Variants in ZNF540 observed in about 807,000 individuals in gnomAD.
ZNF540 encodes zinc finger protein 540.
In ZNF540, 3 loss-of-function variants were observed where a neutral mutation model predicts 11.8. That is an observed-to-expected ratio of 0.25 (90% CI 0.12 to 0.65). The LOEUF (loss-of-function observed/expected upper bound fraction) is 0.65, where lower values mean the gene tolerates loss of function less well. Ranked by LOEUF, ZNF540 falls within the 30% of genes least tolerant of loss-of-function variation. ZNF540 has a pLI of 0.83. For missense variants in ZNF540, 709 were observed against 793.1 expected, an observed-to-expected ratio of 0.89 and a Z score of 1.27; for synonymous variants, 247 against 259.0, an observed-to-expected ratio of 0.95 and a Z score of 0.45.
At chr19:37,558,859 CAGAG>C (rs994136002) in intron 1 of ZNF540, among the ~76,000 whole-genome samples, 3 of 151,402 alleles carry the variant, frequency 2.0e-5, no homozygotes, top group Non-Finnish European at 2.9e-5. Context: ...GAGAGAGAGA[CAGAG>C]AGAGAGTGTT....
chr19:37,586,927 T>C (rs997373218), intron 1 of ZNF540: 2 of 537,540 alleles, frequency 3.7e-6, no homozygotes, highest in Admixed American at 6.9e-5. Context: ...AATGTCCATG[T>C]TGAACAGGAC....
At chr19:37,565,034 T>A (rs763076083) in intron 1 of ZNF540, 2 of 1,613,850 alleles carry the variant, frequency 1.2e-6, no homozygotes, top group Non-Finnish European at 1.7e-6. Flanking sequence ...AATTTTCTCA[T>A]GTTGAGTAAG....
chr19:37,614,155 T>C lies in ZNF540; in HGVS notation c.*892T>C, dbSNP rs2044153764. 1 of 302,978 alleles carries C rather than the reference T, an allele frequency of 3.3e-6. No homozygotes were observed. Among genetic ancestry groups the C allele is most frequent in the Non-Finnish European group, 6.0e-6 (1 of 167,220 alleles). The allele number at this position is 302,978 out of a possible 1,614,324, so 18.8% of individuals were successfully genotyped here. A position where few individuals can be genotyped will look rare whatever the true frequency, so the allele number is the denominator to read the frequency against. ...AGATAACTAAGGCACTCCATTAGAATATAAATAAAATGTAAAGATCTAAAT... is the reference window on the plus strand; with the variant it reads ...AGATAACTAAGGCACTCCATTAGAACATAAATAAAATGTAAAGATCTAAAT... On this transcript the variant is annotated 3_prime_UTR_variant, in exon 5 of 5. Coordinates refer to ENST00000316433, the MANE Select transcript of ZNF540 (RefSeq NM_001172225.3).
chr19:37,589,278 A>G (rs2043794845), intron 1 of ZNF540, among the ~76,000 whole-genome samples: 1 of 152,008 alleles, frequency 6.6e-6, no homozygotes, highest in Admixed American at 6.6e-5. Flanking sequence ...AGAGGGGAAA[A>G]TTCTGTATCT....
intron 1 of ZNF540, chr19:37,586,573 G>C (rs2306201): frequency 1.4e-6 from 2 of 1,480,522 alleles, no homozygotes; most frequent in Non-Finnish European, 1.9e-6. Flanking sequence ...TTCCCTTAAG[G>C]AACCAAACAA....
intron 4 of ZNF540, among the ~76,000 whole-genome samples, chr19:37,608,005 A>G (rs996046748): frequency 1.3e-5 from 2 of 152,176 alleles, no homozygotes; most frequent in African/African-American, 4.8e-5. Context: ...GGCCATTCTA[A>G]CAGGTGTGAA....
Position 37,613,275 on chromosome 19 carries a change from G to A in ZNF540, c.*12G>A. The A allele has an allele frequency of 6.9e-7, 1 of 1,456,838 alleles. No homozygotes were observed. Among genetic ancestry groups the A allele is most frequent in the Non-Finnish European group, 9.1e-7 (1 of 1,098,360 alleles). The allele number at this position is 1,456,838 out of a possible 1,614,324, so 90.2% of individuals were successfully genotyped here. A position where few individuals can be genotyped will look rare whatever the true frequency, so the allele number is the denominator to read the frequency against. On this transcript the variant is annotated 3_prime_UTR_variant, in exon 5 of 5. Transcript: ENST00000316433. ...ATAATGTAATTTAATATAAGAAAAG[G>A]TTTCCATGTCATGCTCTATTTATAG...
chr19:37,552,420 T>G (rs184313846), intron 1 of ZNF540, among the ~76,000 whole-genome samples: 10 of 152,354 alleles, frequency 6.6e-5, no homozygotes, highest in African/African-American at 2.4e-4. Context: ...TATATCTTTA[T>G]AGATTTTCTA....
intron 1 of ZNF540, chr19:37,556,262 G>T: frequency 1.6e-6 from 1 of 617,874 alleles, no homozygotes; most frequent in Non-Finnish European, 2.9e-6. Context: ...TGAAAGAGGT[G>T]AGGAGAAAGG....
chr19:37,604,641 A>C (rs1456735332), intron 4 of ZNF540, among the ~76,000 whole-genome samples: 1 of 152,088 alleles, frequency 6.6e-6, no homozygotes, highest in East Asian at 1.9e-4. Context: ...AGCTTTATTG[A>C]GATATGATTT....
In ZNF540 at chr19:37,612,855, T is replaced by A. The variant is rs2044143593; in HGVS notation, c.1575T>A (p.Cys525Ter). Residue 525 changes from cysteine to a stop codon, truncating the protein, a stop_gained, in exon 5 of 5, where the codon TGT becomes TGA. Transcript: ENST00000316433. LOFTEE classifies it low-confidence loss of function (END_TRUNC). ...RIHTGEKPYK[C>*]KECGKAFIRR... ...ACACTGGTGAAAAGCCCTATAAATG[T>A]AAAGAATGTGGAAAGGCCTTTATTC... is the stretch of plus-strand genomic sequence containing the variant. 1.2e-6 allele frequency: 2 copies of A among 1,614,082 alleles called. No homozygotes were observed. The highest frequency in any genetic ancestry group is 8.5e-7 in the Non-Finnish European group (1 of 1,180,002).
chr19:37,564,684 C>T, intron 1 of ZNF540: 1 of 1,613,376 alleles, frequency 6.2e-7, no homozygotes, highest in South Asian at 1.1e-5. Context: ...GGTTTCTCAC[C>T]AGTATGGATC....
At chr19:37,600,756 A>G (rs1568366490) in intron 3 of ZNF540, among the ~76,000 whole-genome samples, 1 of 152,140 alleles carries the variant, frequency 6.6e-6, no homozygotes, top group Admixed American at 6.5e-5. Flanking sequence ...CAATAGAGCC[A>G]GTCTGTATGA....
intron 1 of ZNF540, among the ~76,000 whole-genome samples, chr19:37,587,671 C>A (rs1299953608): frequency 2.0e-5 from 3 of 151,592 alleles, no homozygotes; most frequent in Non-Finnish European, 4.4e-5. Flanking sequence ...TTGTGTGATA[C>A]CAAGAAAACC....
chr19:37,575,199 A>G (rs1308382623), intron 1 of ZNF540, among the ~76,000 whole-genome samples: 1 of 152,186 alleles, frequency 6.6e-6, no homozygotes. Context: ...AGAAAATAAA[A>G]TCTAACTACT....
intron 2 of ZNF540, 74 bp from the exon 3 acceptor site, chr19:37,599,552 T>C: frequency 1.3e-6 from 2 of 1,591,604 alleles, no homozygotes; most frequent in Non-Finnish European, 1.7e-6. Flanking sequence ...CAATGAAACC[T>C]TTTATCTCCT....
At chr19:37,597,652 C>G (rs1005955873) in intron 1 of ZNF540, 2 of 152,276 alleles carry the variant, frequency 1.3e-5, no homozygotes, top group African/African-American at 4.8e-5. Context: ...GTCTTGAACT[C>G]CCGACCTCAG....
intron 1 of ZNF540, chr19:37,565,555 GC>G (rs1568340780): frequency 6.2e-7 from 1 of 1,612,926 alleles, no homozygotes; most frequent in Admixed American, 1.7e-5. Context: ...TAAGTTGAGA[GC>G]CAAGAATAAA....
chr19:37,566,476 G>GA (rs2042865142), intron 1 of ZNF540: 2 of 637,668 alleles, frequency 3.1e-6, no homozygotes, highest in Non-Finnish European at 4.9e-6. Context: ...AGAGCTTATA[G>GA]GAAAGAAGGT....
Sources: gnomAD v4.1 joint callset for allele counts (sites outside exome capture counted in the v4.1 genomes callset) on GRCh38, gnomAD v4.1.1 for gene constraint, MANE v1.5 for transcripts, NCBI Gene and HGNC (gene_info 2026-07-23, HGNC 2026-07-21) for gene names.